AGBL4: variants seen among roughly 807,000 people sequenced by gnomAD.
AGBL4 encodes the protein cytosolic carboxypeptidase 6.
A neutral mutation model predicts 66.4 loss-of-function variants in AGBL4; 58 were observed. That is an observed-to-expected ratio of 0.87 (90% CI 0.71 to 1.09). The LOEUF (loss-of-function observed/expected upper bound fraction) is 1.09, where lower values mean the gene tolerates loss of function less well. AGBL4 is among the 50% of genes least tolerant of loss of function. The pLI is 0.00. For missense variants in AGBL4, 579 were observed against 631.0 expected, an observed-to-expected ratio of 0.92 and a Z score of 0.88; for synonymous variants, 234 against 222.9, an observed-to-expected ratio of 1.05 and a Z score of -0.44.
chr1:48,546,724 T>C (rs1377249382), intron 11 of AGBL4, among the ~76,000 whole-genome samples: 1 of 152,172 alleles, frequency 6.6e-6, no homozygotes. Flanking sequence ...GTATATTTAA[T>C]ATCATCTACT....
At chr1:49,797,450 T>C (rs1026727121) in intron 2 of AGBL4, among the ~76,000 whole-genome samples, 5 of 152,204 alleles carry the variant, frequency 3.3e-5, no homozygotes, top group African/African-American at 1.2e-4. Context: ...TTTTTTGTTT[T>C]AGAGACAGGG....
chr1:49,244,314 T>A (rs75039466), intron 4 of AGBL4, among the ~76,000 whole-genome samples: 4,206 of 151,856 alleles, frequency 0.028, 171 homozygotes, highest in African/African-American at 0.096. Flanking sequence ...AACAGAGAAA[T>A]GATTTCTATT....
At chr1:49,881,147 A>G (rs1420180837) in intron 1 of AGBL4, among the ~76,000 whole-genome samples, 2 of 152,114 alleles carry the variant, frequency 1.3e-5, no homozygotes, top group African/African-American at 4.8e-5. Flanking sequence ...GGAGCTGTAG[A>G]CCAGAGCTGT....
chr1:48,947,801 C>A (rs1349620819), intron 5 of AGBL4, among the ~76,000 whole-genome samples: 2 of 151,994 alleles, frequency 1.3e-5, no homozygotes, highest in African/African-American at 4.8e-5. Context: ...TCATCTCACA[C>A]TAAAGTATGA....
At chr1:48,926,266 T>TATTTA (rs1440848752) in intron 5 of AGBL4, among the ~76,000 whole-genome samples, 1 of 150,766 alleles carries the variant, frequency 6.6e-6, no homozygotes, top group African/African-American at 2.4e-5. Context: ...TATTTTATTT[T>TATTTA]ATTTTATTTT....
chr1:49,310,769 T>C (rs1644928757), intron 3 of AGBL4, among the ~76,000 whole-genome samples: 1 of 152,028 alleles, frequency 6.6e-6, no homozygotes, highest in Non-Finnish European at 1.5e-5. Flanking sequence ...AGATTATATT[T>C]ACTGAACACT....
intron 3 of AGBL4, among the ~76,000 whole-genome samples, chr1:49,475,844 T>C (rs764648822): frequency 5.3e-5 from 8 of 152,184 alleles, no homozygotes; most frequent in Non-Finnish European, 8.8e-5. Context: ...TAGCAAGCAG[T>C]TTATCAATCT....
At chr1:48,545,071 T>C (rs1051940956) in intron 11 of AGBL4, among the ~76,000 whole-genome samples, 1 of 152,082 alleles carries the variant, frequency 6.6e-6, no homozygotes, top group African/African-American at 2.4e-5. Flanking sequence ...ATGAATAACA[T>C]AGGGGTTGGA....
At chr1:49,242,848 A>G (rs1042085565) in intron 4 of AGBL4, among the ~76,000 whole-genome samples, 1 of 151,804 alleles carries the variant, frequency 6.6e-6, no homozygotes, top group Non-Finnish European at 1.5e-5. Context: ...ACATATTTAC[A>G]TAATGGTTTT....
intron 4 of AGBL4, among the ~76,000 whole-genome samples, chr1:49,214,741 C>T (rs78176881): frequency 1.3e-5 from 2 of 152,080 alleles, no homozygotes; most frequent in East Asian, 3.9e-4. Flanking sequence ...TGCTGGTAGA[C>T]TGAGACTAGT....
At chr1:48,902,994 G>A (rs1652232966) in intron 5 of AGBL4, among the ~76,000 whole-genome samples, 1 of 152,066 alleles carries the variant, frequency 6.6e-6, no homozygotes, top group South Asian at 2.1e-4. Context: ...ATAATGAATT[G>A]CTTGTAGCTT....
At chr1:49,880,286 G>C (rs968695482) in intron 1 of AGBL4, among the ~76,000 whole-genome samples, 5 of 151,852 alleles carry the variant, frequency 3.3e-5, no homozygotes, top group Non-Finnish European at 5.9e-5. Flanking sequence ...CCCCATCTTT[G>C]TGGTTTTATC....
At chr1:48,774,993 A>G (rs1369561666) in intron 6 of AGBL4, among the ~76,000 whole-genome samples, 1 of 152,230 alleles carries the variant, frequency 6.6e-6, no homozygotes, top group South Asian at 2.1e-4. Context: ...GCAAAAGGGA[A>G]GCTAAGGTTA....
intron 2 of AGBL4, among the ~76,000 whole-genome samples, chr1:49,739,037 G>C (rs191623489): frequency 1.3e-5 from 2 of 152,204 alleles, no homozygotes; most frequent in Non-Finnish European, 2.9e-5. Flanking sequence ...CACCAACAAT[G>C]GAACAAAGCT....
intron 2 of AGBL4, among the ~76,000 whole-genome samples, chr1:49,789,793 C>T (rs1428255155): frequency 6.6e-6 from 1 of 152,140 alleles, no homozygotes; most frequent in Non-Finnish European, 1.5e-5. Context: ...CCTCTTCAGG[C>T]TACCATTGAC....
intron 3 of AGBL4, among the ~76,000 whole-genome samples, chr1:49,356,736 G>A (rs1054751731): frequency 6.6e-6 from 1 of 152,188 alleles, no homozygotes; most frequent in African/African-American, 2.4e-5. Flanking sequence ...AGTGCTGAAG[G>A]TTTGTTGAGC....
chr1:49,245,899 C>T lies in AGBL4; in HGVS notation c.283-35G>A, dbSNP rs778396728. 6.1e-5 allele frequency: 88 copies of T among 1,442,288 alleles called. No homozygotes were observed. In the African/African-American group the frequency reaches 1.1e-3, roughly 17 times the overall value. 89.3% of individuals were successfully genotyped at this position (1,442,288 alleles called of 1,614,324 possible). On this transcript the variant is annotated intron_variant, in intron 3 of 13. Transcript: ENST00000371839. ...AAAGAGGGAGAAGTTCATCTTTATG[C>T]TATGCAAATTGTAACTTCCTGATAA...
chr1:49,887,249 G>T (rs796698081), intron 1 of AGBL4, among the ~76,000 whole-genome samples: 2 of 150,380 alleles, frequency 1.3e-5, no homozygotes, highest in African/African-American at 4.9e-5. Flanking sequence ...ATATGTGTGT[G>T]TGTATATATA....
Position 48,534,207 on chromosome 1 carries a change from G to T in AGBL4, c.1478C>A (p.Ser493Ter). ...YPNSKGDKKSSVNHKDPSTPF is the reference protein window; with the variant it reads ...YPNSKGDKKS ...GGTTGAAGGGTCTTTGTGGTTCACT[G>T]AGCTCTTCTTGTCCCCTTTGCTGTT... Residue 493 changes from serine (S) to a stop codon, truncating the protein, a stop_gained, in exon 14 of 14, where the codon TCA becomes TAA. Coordinates refer to ENST00000371839, the MANE Select transcript of AGBL4 (RefSeq NM_032785.4). LOFTEE classifies it high-confidence loss of function. The T allele has an allele frequency of 6.4e-7, 1 of 1,551,590 alleles. No homozygotes were observed. The highest frequency in any genetic ancestry group is 1.2e-5 in the South Asian group (1 of 84,048).
Sources: allele counts gnomAD v4.1 joint callset (sites outside exome capture counted in the v4.1 genomes callset), GRCh38; gene constraint gnomAD v4.1.1; transcripts MANE v1.5; gene names NCBI Gene and HGNC (gene_info 2026-07-23, HGNC 2026-07-21).